The following WDR48 variants were observed in gnomAD, a reference collection of about 807,000 sequenced individuals.
WDR48 encodes WD repeat-containing protein 48.
A neutral mutation model predicts 94.0 loss-of-function variants in WDR48; 22 were observed. The observed-to-expected ratio is 0.23, with a 90% CI of 0.17 to 0.33. The LOEUF (loss-of-function observed/expected upper bound fraction) is 0.33. Ranked by LOEUF, WDR48 falls within the 10% of genes least tolerant of loss-of-function variation. The pLI is 1.00. For missense variants in WDR48, 541 were observed against 813.8 expected (o/e 0.66, Z 4.08); for synonymous variants, 278 against 280.5 (o/e 0.99, Z 0.09).
At position 39,065,451 on chromosome 3, in the gene WDR48, C is replaced by T. The variant is rs115937966; in HGVS notation, c.190-360C>T. Among the ~76,000 whole-genome samples, 1,006 of 152,142 alleles carry T rather than the reference C, an allele frequency of 6.6e-3. 8 individuals carry two copies. Among genetic ancestry groups the T allele is most frequent in the Non-Finnish European group, 0.01 (713 of 68,010 alleles). On this transcript the variant is annotated intron_variant, in intron 2 of 18. Coordinates refer to ENST00000302313, the MANE Select transcript of WDR48 (RefSeq NM_020839.4). ...CACCACTCATTCAAATCCCCACAGC[C>T]TACAGATTCCTACAAGTCATGTCCT... is the stretch of plus-strand genomic sequence containing the variant.
intron 1 of WDR48, among the ~76,000 whole-genome samples, chr3:39,058,763 A>G (rs1276965342): frequency 6.6e-6 from 1 of 152,164 alleles, no homozygotes; most frequent in African/African-American, 2.4e-5. Context: ...CTATTATTCT[A>G]ATGGAGAAGA....
intron 16 of WDR48, 115 bp from the exon 17 acceptor site, chr3:39,091,510 A>G: frequency 1.2e-6 from 1 of 808,632 alleles, no homozygotes; most frequent in Admixed American, 3.5e-5. Context: ...TTTCATAGAA[A>G]GTCACTTTTA....
intron 2 of WDR48, among the ~76,000 whole-genome samples, chr3:39,064,162 G>T (rs1434400396): frequency 6.6e-6 from 1 of 152,084 alleles, no homozygotes; most frequent in African/African-American, 2.4e-5. Context: ...AAGAAAAAAA[G>T]AGCATTTATT....
At chr3:39,070,390 C>T (rs2033859012) in intron 7 of WDR48, among the ~76,000 whole-genome samples, 1 of 151,978 alleles carries the variant, frequency 6.6e-6, no homozygotes, top group Non-Finnish European at 1.5e-5. Context: ...TTCCAGAATG[C>T]AGTGATAAGT....
At chr3:39,064,043 AG>A (rs1447010332) in intron 2 of WDR48, among the ~76,000 whole-genome samples, 1 of 152,222 alleles carries the variant, frequency 6.6e-6, no homozygotes, top group Non-Finnish European at 1.5e-5. Flanking sequence ...AGCAGGGAAC[AG>A]GGTTTAAATA....
Position 39,066,559 on chromosome 3 carries a change from T to G in WDR48, c.280T>G (p.Ser94Ala), listed in dbSNP as rs148407227. The G allele has an allele frequency of 4.1e-3, 6,555 of 1,613,670 alleles. 15 individuals carry two copies. The highest frequency in any genetic ancestry group is 5.0e-3 in the Non-Finnish European group (5,919 of 1,179,822). Residue 94 changes from serine (S) to alanine (A), a missense_variant, in exon 4 of 19, where the codon TCT becomes GCT. Physicochemically the swap from Ser to Ala is moderately conservative, Grantham distance 99 (BLOSUM62 1). Coordinates refer to ENST00000302313, the MANE Select transcript of WDR48 (RefSeq NM_020839.4). ...CCNGKTLISA[S>A]SDTTVKVWNA... Reference sequence around the variant, plus strand: ...TTTGCTTCTTCTAGTAATATCTGCTTCTTCTGACACGACAGTAAAAGTATG... The same window carrying G: ...TTTGCTTCTTCTAGTAATATCTGCTGCTTCTGACACGACAGTAAAAGTATG...
intron 10 of WDR48, among the ~76,000 whole-genome samples, chr3:39,078,885 C>G (rs917665519): frequency 6.6e-6 from 1 of 151,706 alleles, no homozygotes; most frequent in Non-Finnish European, 1.5e-5. Flanking sequence ...AAAAAATTAG[C>G]TGGGCGTAGT....
chr3:39,075,309 A>G (rs944566888), intron 8 of WDR48, among the ~76,000 whole-genome samples: 4 of 150,634 alleles, frequency 2.7e-5, no homozygotes, highest in African/African-American at 9.8e-5. Context: ...AAATTGTCTC[A>G]TACTTGCTCC....
chr3:39,091,834 T>A, intron 17 of WDR48, 133 bp downstream of exon 17: 1 of 782,174 alleles, frequency 1.3e-6, no homozygotes, highest in Non-Finnish European at 1.9e-6. Flanking sequence ...TTTATACAAT[T>A]AAACCACTTA....
At chr3:39,079,391 AT>A (rs927435302) in intron 10 of WDR48, among the ~76,000 whole-genome samples, 1 of 152,218 alleles carries the variant, frequency 6.6e-6, no homozygotes, top group East Asian at 1.9e-4. Context: ...TCCTGTCATC[AT>A]TTTGACTTTT....
intron 7 of WDR48, among the ~76,000 whole-genome samples, chr3:39,072,727 T>C (rs767588557): frequency 6.6e-6 from 1 of 152,216 alleles, no homozygotes; most frequent in Non-Finnish European, 1.5e-5. Flanking sequence ...AGTGGAAGGA[T>C]GGAGGCAGTG....
At position 39,065,919 on chromosome 3, in the gene WDR48, T is replaced by C. The variant is rs754552226; in HGVS notation, c.268+30T>C. ...GTATTTCTTTGGATTATTATTGGGCTTCTGATATATTTTTTGTTTTTTATA... is the reference window on the plus strand; with the variant it reads ...GTATTTCTTTGGATTATTATTGGGCCTCTGATATATTTTTTGTTTTTTATA... On this transcript the variant is annotated intron_variant, in intron 3 of 18. Transcript: ENST00000302313. 7 of 1,519,184 alleles carry C rather than the reference T, an allele frequency of 4.6e-6. No individual in the cohort carries two copies. In the South Asian group the frequency reaches 9.0e-5, roughly 19 times the overall value. The allele number at this position is 1,519,184 out of a possible 1,614,324, so 94.1% of individuals were successfully genotyped here. A position where few individuals can be genotyped will look rare whatever the true frequency, so the allele number is the denominator to read the frequency against.
chr3:39,063,686 C>T (rs1024593626), intron 2 of WDR48, among the ~76,000 whole-genome samples: 4 of 151,956 alleles, frequency 2.6e-5, no homozygotes, highest in Non-Finnish European at 4.4e-5. Flanking sequence ...CCCACACCTG[C>T]AATCCCAACA....
At chr3:39,060,646 G>A (rs7649923) in intron 1 of WDR48, among the ~76,000 whole-genome samples, 73,015 of 152,052 alleles carry the variant, frequency 0.48, 21,431 homozygotes, top group African/African-American at 0.84. Context: ...GTTTTCTCTG[G>A]CAAGGGACTA....
intron 1 of WDR48, among the ~76,000 whole-genome samples, chr3:39,054,646 G>A (rs1414335612): frequency 3.9e-5 from 6 of 152,202 alleles, no homozygotes; most frequent in African/African-American, 1.2e-4. Context: ...GCATATGCAT[G>A]TATCTGTCCC....
intron 1 of WDR48, among the ~76,000 whole-genome samples, chr3:39,052,909 A>G (rs1374635372): frequency 1.3e-5 from 2 of 152,156 alleles, no homozygotes; most frequent in Non-Finnish European, 2.9e-5. Flanking sequence ...CATTAGGAGA[A>G]ATACCTAATG....
intron 7 of WDR48, among the ~76,000 whole-genome samples, chr3:39,071,545 A>G (rs1027276820): frequency 5.3e-5 from 8 of 152,222 alleles, no homozygotes; most frequent in African/African-American, 1.9e-4. Flanking sequence ...TATCTATGCA[A>G]TTATGAATGT....
At chr3:39,089,342 T>G in intron 16 of WDR48, 24 bp downstream of exon 16, 1 of 1,601,326 alleles carries the variant, frequency 6.2e-7, no homozygotes, top group Non-Finnish European at 8.5e-7. Flanking sequence ...ACTCCCACTT[T>G]GCTCTTTTAT....
chr3:39,087,737 A>AT (rs983951527), intron 14 of WDR48: 24 of 157,774 alleles, frequency 1.5e-4, no homozygotes, highest in South Asian at 1.9e-4. Context: ...ATTAAATGTA[A>AT]TTTTTTTTTC....
Sources: allele counts gnomAD v4.1 joint callset (sites outside exome capture counted in the v4.1 genomes callset), GRCh38; gene constraint gnomAD v4.1.1; transcripts MANE v1.5; gene names NCBI Gene and HGNC (gene_info 2026-07-23, HGNC 2026-07-21).